The following LGALS13 variants were observed in gnomAD, a reference collection of about 807,000 sequenced individuals.
The protein encoded by LGALS13 is galectin 13.
A neutral mutation model predicts 13.2 loss-of-function variants in LGALS13; 11 were observed. The ratio of observed to expected loss-of-function variants is 0.83; its 90% confidence interval spans 0.52 to 1.38. LGALS13 has a LOEUF of 1.38. Among genes scored for constraint, LGALS13 ranks in the 40% most tolerant of loss-of-function variants. The pLI is 0.00. For synonymous variants in LGALS13, 71 were observed against 63.7 expected, an observed-to-expected ratio of 1.11 and a Z score of -0.54; for missense variants, 183 against 174.3, an observed-to-expected ratio of 1.05 and a Z score of -0.28.
chr19:39,603,949 G>T (rs1430027870), intron 1 of LGALS13: 1 of 985,252 alleles, frequency 1.0e-6, no homozygotes, highest in African/African-American at 1.7e-5. Context: ...ATTTGTGCAA[G>T]TACTGGGGCT....
chr19:39,604,770 T>A, intron 2 of LGALS13, 92 bp downstream of exon 2: 1 of 1,490,528 alleles, frequency 6.7e-7, no homozygotes, highest in Non-Finnish European at 9.3e-7. Flanking sequence ...TGGAAATGTC[T>A]AGTTGGCAGA....
At chr19:39,606,642 A>G (rs191058081) in intron 3 of LGALS13, among the ~76,000 whole-genome samples, 5 of 152,348 alleles carry the variant, frequency 3.3e-5, no homozygotes, top group Admixed American at 3.3e-4. Flanking sequence ...AAACATTCAC[A>G]TCTTATTCAG....
intron 1 of LGALS13, among the ~76,000 whole-genome samples, chr19:39,604,263 C>T (rs567195813): frequency 6.6e-6 from 1 of 152,240 alleles, no homozygotes; most frequent in South Asian, 2.1e-4. Flanking sequence ...TGTATTAACT[C>T]CCTATTACGG....
intron 1 of LGALS13, chr19:39,603,875 T>C (rs753971447): frequency 3.3e-6 from 3 of 912,148 alleles, no homozygotes; most frequent in Non-Finnish European, 3.9e-6. Context: ...AATCATCTCA[T>C]CTACTTGTAG....
At chr19:39,603,289 C>T (rs1274958475) in intron 1 of LGALS13, among the ~76,000 whole-genome samples, 1 of 151,912 alleles carries the variant, frequency 6.6e-6, no homozygotes, top group Non-Finnish European at 1.5e-5. Flanking sequence ...GGTGATGGTT[C>T]CTCAGGTGGG....
Position 39,606,360 on chromosome 19 carries a change from G to C in LGALS13, c.304-863G>C, listed in dbSNP as rs138464451. ...TATTGTGTTAAGAAGTTTACCCAAA[G>C]TTGTGGAACTTGGCCCTTTTGGGGG... On this transcript the variant is annotated intron_variant, in intron 3 of 3. Transcript: ENST00000221797. Among the ~76,000 whole-genome samples, 232 of 152,306 alleles carry C rather than the reference G, an allele frequency of 1.5e-3. 1 individual carries two copies. The highest frequency in any genetic ancestry group is 3.2e-4 in the Non-Finnish European group (22 of 68,014).
chr19:39,602,617 G>T (rs200245771), intron 1 of LGALS13, 34 bp downstream of exon 1: 5 of 1,610,404 alleles, frequency 3.1e-6, no homozygotes, highest in Non-Finnish European at 4.2e-6. Context: ...CAAAAATTTC[G>T]TGTCACACAA....
Position 39,607,336 on chromosome 19 carries a change from T to C in LGALS13, c.417T>C (p.Asn139=), listed in dbSNP as rs147871302. 2.5e-5 allele frequency: 39 copies of C among 1,584,072 alleles called. No individual in the cohort carries two copies. In the East Asian group the frequency reaches 5.6e-4, roughly 23 times the overall value. ...CCCTGACCTCAGTGTGTGTCTGCAA[T>C]TGAGGGAGATGATCACACTCCTCAT... ...DISLTSVCVC[N] The change falls in exon 4 of 4, where the codon AAT becomes AAC. Residue 139 remains asparagine, a synonymous_variant. Transcript: ENST00000221797.
chr19:39,602,815 G>A (rs548319565), intron 1 of LGALS13, among the ~76,000 whole-genome samples: 1 of 152,322 alleles, frequency 6.6e-6, no homozygotes, highest in East Asian at 1.9e-4. Context: ...TGTCTGATGA[G>A]CATAAACTCT....
intron 1 of LGALS13, among the ~76,000 whole-genome samples, chr19:39,603,387 A>T (rs1050805344): frequency 2.0e-5 from 3 of 151,876 alleles, no homozygotes; most frequent in Admixed American, 2.0e-4. Flanking sequence ...GTGTGACAGG[A>T]GGGTGTGCAG....
At chr19:39,603,801 A>G (rs1049368762) in intron 1 of LGALS13, 3 of 320,918 alleles carry the variant, frequency 9.3e-6, no homozygotes, top group African/African-American at 6.7e-5. Context: ...TCAGTGAACC[A>G]TGATTGCATC....
intron 1 of LGALS13, 48 bp downstream of exon 1, chr19:39,602,631 A>T (rs757285766): frequency 2.6e-5 from 42 of 1,591,956 alleles, no homozygotes; most frequent in Non-Finnish European, 3.4e-5. Flanking sequence ...CACACAAACC[A>T]AGAAAGAAAT....
chr19:39,607,147 C>G (rs1465609901), intron 3 of LGALS13, 76 bp from the exon 4 acceptor site: 6 of 935,936 alleles, frequency 6.4e-6, no homozygotes, highest in South Asian at 1.3e-5. Context: ...GTTATTTGTA[C>G]CAGGACAGAG....
At chr19:39,605,431 C>G (rs970049373) in intron 3 of LGALS13, 43 bp downstream of exon 3, 1 of 1,527,848 alleles carries the variant, frequency 6.5e-7, no homozygotes, top group African/African-American at 1.4e-5. Context: ...TCTGTGGGCT[C>G]CCAAAACAGG....
At chr19:39,604,524 T>G in intron 1 of LGALS13, 78 bp from the exon 2 acceptor site, 4 of 1,525,560 alleles carry the variant, frequency 2.6e-6, no homozygotes, top group Non-Finnish European at 3.6e-6. Context: ...TCCAACCTCC[T>G]GCACCATGAG....
At chr19:39,605,025 G>A (rs1972661687) in intron 2 of LGALS13, 153 bp from the exon 3 acceptor site, 1 of 733,926 alleles carries the variant, frequency 1.4e-6, no homozygotes, top group African/African-American at 1.7e-5. Context: ...CTGGGGGCAT[G>A]AGGAGCTGAA....
Position 39,607,391 on chromosome 19 carries a change from A to G in LGALS13, c.*52A>G. 1 of 1,200,626 alleles carries G rather than the reference A, an allele frequency of 8.3e-7. No homozygotes were observed. The highest frequency in any genetic ancestry group is 1.2e-5 in the South Asian group (1 of 82,940). The allele number at this position is 1,200,626 out of a possible 1,614,324, so 74.4% of individuals were successfully genotyped here. On this transcript the variant is annotated 3_prime_UTR_variant, in exon 4 of 4. Coordinates refer to ENST00000221797, the MANE Select transcript of LGALS13 (RefSeq NM_013268.3). ...GAGGAATCCCTCTTTCTACCTGACC[A>G]TGGGATTCCCAGAACCTGCTAACAG...
Position 39,604,567 on chromosome 19 carries a change from C to T in LGALS13, c.16-35C>T, listed in dbSNP as rs758643360. The stretch of plus-strand genomic sequence containing the variant: ...TACAGGAGGGGAGACTGCACCTGAC[C>T]CTGCACCTCTCACTTACTCTCAATA... On this transcript the variant is annotated intron_variant, in intron 1 of 3. Coordinates refer to ENST00000221797, the MANE Select transcript of LGALS13 (RefSeq NM_013268.3). 4.3e-6 allele frequency: 7 copies of T among 1,611,100 alleles called. No individual in the cohort carries two copies. In the Admixed American group the frequency reaches 6.7e-5, roughly 15 times the overall value.
Position 39,602,587 on chromosome 19 carries a change from A to C in LGALS13, c.15+4A>C. The stretch of plus-strand genomic sequence containing the variant: ...GAGAACAATGTCTTCTTTACCCGTG[A>C]GTTGAAAAGGCACAGCCTTCAAAAA... On this transcript the variant is annotated splice_donor_region_variant and intron_variant, in intron 1 of 3. Transcript: ENST00000221797. The C allele has an allele frequency of 6.2e-7, 1 of 1,614,146 alleles. No individual in the cohort carries two copies.
Sources: gnomAD v4.1 joint callset for allele counts (sites outside exome capture counted in the v4.1 genomes callset) on GRCh38, gnomAD v4.1.1 for gene constraint, MANE v1.5 for transcripts, NCBI Gene and HGNC (gene_info 2026-07-23, HGNC 2026-07-21) for gene names.